Variants in SGCZ observed in about 807,000 individuals in gnomAD.
SGCZ encodes the protein sarcoglycan zeta.
SGCZ carries 40 observed loss-of-function variants against 41.3 expected under a neutral mutation model. That is an observed-to-expected ratio of 0.97 (90% CI 0.75 to 1.26). SGCZ has a LOEUF of 1.26. Among genes scored for constraint, SGCZ ranks in the 50% most tolerant of loss-of-function variants. SGCZ has a pLI of 0.00. For missense variants in SGCZ, 552 were observed against 369.8 expected, an observed-to-expected ratio of 1.49 and a Z score of -4.04; for synonymous variants, 206 against 137.5, an observed-to-expected ratio of 1.50 and a Z score of -3.49.
At chr8:14,284,460 T>A (rs7004371) in intron 3 of SGCZ, among the ~76,000 whole-genome samples, 1 of 152,328 alleles carries the variant, frequency 6.6e-6, no homozygotes, top group African/African-American at 2.4e-5. Flanking sequence ...TTGGTGGATG[T>A]GCACATATAT....
rs532682319 is a variant in SGCZ, at chr8:14,166,957, A to G, written c.425-2255T>C. Among the ~76,000 whole-genome samples the G allele has an allele frequency of 2.6e-5, 4 of 152,284 alleles. No individual in the cohort carries two copies. The South Asian group carries it at 8.3e-4, about 32-fold the overall frequency. On this transcript the variant is annotated intron_variant, in intron 4 of 7. Transcript: ENST00000382080. ...AGAGTCATCTAATTGAAAAAGAGAT[A>G]TAAAAATTCATACTGCAGACTACAC...
intron 2 of SGCZ, among the ~76,000 whole-genome samples, chr8:14,386,301 G>GT (rs1444235597): frequency 7.8e-6 from 1 of 127,898 alleles, no homozygotes; most frequent in Non-Finnish European, 1.5e-5. Context: ...CTGCATCATG[G>GT]TAAAAAAAAA....
chr8:15,154,306 A>G (rs752349852), intron 1 of SGCZ, among the ~76,000 whole-genome samples: 4 of 152,208 alleles, frequency 2.6e-5, no homozygotes, highest in Non-Finnish European at 5.9e-5. Context: ...GCTGTGAGTC[A>G]CCTAAAGCAG....
At chr8:14,280,938 T>G (rs1800409554) in intron 3 of SGCZ, among the ~76,000 whole-genome samples, 1 of 78,806 alleles carries the variant, frequency 1.3e-5, no homozygotes, top group Non-Finnish European at 2.9e-5. Flanking sequence ...ACCGGGTGAA[T>G]AAAAGTGTTT....
At chr8:14,182,729 C>G (rs568138441) in intron 4 of SGCZ, among the ~76,000 whole-genome samples, 4 of 152,218 alleles carry the variant, frequency 2.6e-5, no homozygotes, top group Middle Eastern at 3.4e-3. Context: ...TAATGTATGG[C>G]CAGGCATGAT....
intron 1 of SGCZ, among the ~76,000 whole-genome samples, chr8:14,990,010 C>G (rs1402714742): frequency 6.6e-6 from 1 of 152,120 alleles, no homozygotes; most frequent in African/African-American, 2.4e-5. Flanking sequence ...AAATAGCTGC[C>G]TACATTTTAA....
intron 1 of SGCZ, among the ~76,000 whole-genome samples, chr8:14,736,864 C>T (rs1280107613): frequency 6.6e-6 from 1 of 151,908 alleles, no homozygotes; most frequent in Non-Finnish European, 1.5e-5. Context: ...ATCCAGCAAT[C>T]CCACTACCGG....
chr8:14,253,245 T>G (rs1184696211), intron 3 of SGCZ, among the ~76,000 whole-genome samples: 3 of 62,388 alleles, frequency 4.8e-5, no homozygotes, highest in Admixed American at 1.5e-4. Flanking sequence ...GTGTGTAGGG[T>G]GTGTGTGTGT....
At chr8:14,909,118 T>C (rs1394864694) in intron 1 of SGCZ, among the ~76,000 whole-genome samples, 1 of 152,166 alleles carries the variant, frequency 6.6e-6, no homozygotes, top group Non-Finnish European at 1.5e-5. Context: ...TAGTTTACAC[T>C]ATTAATCCAT....
chr8:14,811,159 A>G (rs2130537311), intron 1 of SGCZ, among the ~76,000 whole-genome samples: 1 of 152,144 alleles, frequency 6.6e-6, no homozygotes, highest in African/African-American at 2.4e-5. Context: ...TAATAGAATA[A>G]CTTCTCTGTT....
chr8:14,735,667 C>T (rs1799007132), intron 1 of SGCZ, among the ~76,000 whole-genome samples: 1 of 152,132 alleles, frequency 6.6e-6, no homozygotes, highest in Admixed American at 6.5e-5. Flanking sequence ...CCTTGTGATC[C>T]TGTGAGTCAA....
intron 2 of SGCZ, among the ~76,000 whole-genome samples, chr8:14,442,773 A>G (rs2117374330): frequency 6.6e-6 from 1 of 152,336 alleles, no homozygotes; most frequent in Non-Finnish European, 1.5e-5. Flanking sequence ...CTCTTCATTC[A>G]AAGCCACTGC....
intron 1 of SGCZ, among the ~76,000 whole-genome samples, chr8:14,940,298 A>G (rs753930891): frequency 7.2e-5 from 11 of 152,144 alleles, no homozygotes; most frequent in Admixed American, 1.3e-4. Flanking sequence ...ATCATCATCA[A>G]ATGTTTGCCA....
chr8:14,352,846 T>G (rs1320495488), intron 2 of SGCZ, among the ~76,000 whole-genome samples: 1 of 152,110 alleles, frequency 6.6e-6, no homozygotes, highest in African/African-American at 2.4e-5. Context: ...TTTAGGTGTC[T>G]TTTAACACCT....
At chr8:14,189,137 G>A (rs1008573192) in intron 4 of SGCZ, among the ~76,000 whole-genome samples, 2 of 151,794 alleles carry the variant, frequency 1.3e-5, no homozygotes, top group South Asian at 2.1e-4. Context: ...GGGATTACAG[G>A]CGTGAGCCAC....
intron 2 of SGCZ, among the ~76,000 whole-genome samples, chr8:14,384,427 CTA>C (rs985197579): frequency 1.3e-5 from 2 of 152,022 alleles, no homozygotes; most frequent in Non-Finnish European, 2.9e-5. Flanking sequence ...CCATGGAATA[CTA>C]TGTTTTGAGA....
At chr8:14,332,952 T>C (rs1802390170) in intron 2 of SGCZ, among the ~76,000 whole-genome samples, 1 of 150,768 alleles carries the variant, frequency 6.6e-6, no homozygotes, top group Admixed American at 6.6e-5. Flanking sequence ...TGTATATATA[T>C]AAAATGTTCA....
chr8:14,668,095 T>TACAGGCACCCCCGCACC (rs1807975357), intron 1 of SGCZ, among the ~76,000 whole-genome samples: 1 of 152,070 alleles, frequency 6.6e-6, no homozygotes, highest in East Asian at 1.9e-4. Flanking sequence ...TGGCTGGGAT[T>TACAGGCACCCCCGCACC]ACAGGCACCC....
chr8:14,645,480 A>ATATATATATATATATATT (rs1385810092), intron 1 of SGCZ, among the ~76,000 whole-genome samples: 7 of 105,542 alleles, frequency 6.6e-5, no homozygotes, highest in East Asian at 2.9e-4. Flanking sequence ...ATATATATTT[A>ATATATATATATATATATT]TATGTATATA....
Sources: allele counts gnomAD v4.1 joint callset (sites outside exome capture counted in the v4.1 genomes callset), GRCh38; gene constraint gnomAD v4.1.1; transcripts MANE v1.5; gene names NCBI Gene and HGNC (gene_info 2026-07-23, HGNC 2026-07-21).